Variants in INF2 observed in about 807,000 individuals in gnomAD.
INF2 encodes the protein inverted formin 2, also known as inverted formin-2.
In INF2, 43 loss-of-function variants were observed where a neutral mutation model predicts 123.5. The observed-to-expected ratio is 0.35, with a 90% CI of 0.27 to 0.45. The LOEUF is 0.45. INF2 is among the 20% of genes least tolerant of loss of function. The pLI, the probability that INF2 is intolerant of heterozygous loss-of-function variation, is 1.00. For missense variants in INF2, 1,453 were observed against 1,682.7 expected (o/e 0.86, Z 2.39); for synonymous variants, 851 against 745.0 (o/e 1.14, Z -2.32).
Position 104,713,506 on chromosome 14 carries a change from C to T in INF2, c.2940C>T (p.Ile980=). 2 of 1,611,734 alleles carry T rather than the reference C, an allele frequency of 1.2e-6. No individual in the cohort carries two copies. The highest frequency in any genetic ancestry group is 1.7e-6 in the Non-Finnish European group (2 of 1,179,490). Residue 980 remains isoleucine (I), a synonymous_variant, in exon 20 of 23, where the codon ATC becomes ATT. Coordinates refer to ENST00000392634, the MANE Select transcript of INF2 (RefSeq NM_022489.4). ...TCATCGATGCCCTGCTGGCTGACATCAGGAAGGGCTTCCAGCTGCGGAAGA... is the reference window on the plus strand; with the variant it reads ...TCATCGATGCCCTGCTGGCTGACATTAGGAAGGGCTTCCAGCTGCGGAAGA... ...VCVIDALLAD[I]RKGFQLRKTA...
intron 22 of INF2, among the ~76,000 whole-genome samples, chr14:104,716,540 A>G (rs946093807): frequency 6.6e-6 from 1 of 152,218 alleles, no homozygotes; most frequent in Admixed American, 6.5e-5. Flanking sequence ...ACAATGGTCC[A>G]GTGAAAGATG....
At chr14:104,684,703 G>C (rs936549525), upstream of INF2, 2 of 152,374 alleles carry the variant, frequency 1.3e-5, no homozygotes, top group African/African-American at 2.4e-5. The surrounding 1 kb of genome is among the most constrained non-coding windows in gnomAD (Gnocchi z 5.0). Context: ...CAAGCTCTGG[G>C]CACCTCACGC....
intron 1 of INF2, among the ~76,000 whole-genome samples, chr14:104,695,294 A>G (rs1179089984): frequency 6.6e-6 from 1 of 151,766 alleles, no homozygotes; most frequent in East Asian, 1.9e-4. Flanking sequence ...CCCAGGAAGT[A>G]CTTCCATGTA....
chr14:104,708,346 T>C, intron 8 of INF2, 90 bp from the exon 9 acceptor site: 1 of 1,524,330 alleles, frequency 6.6e-7, no homozygotes. Context: ...GGACATCCTT[T>C]AGACCCTCTG....
At chr14:104,687,754 A>G (rs1417323959), upstream of INF2, among the ~76,000 whole-genome samples, 1 of 152,046 alleles carries the variant, frequency 6.6e-6, no homozygotes, top group Admixed American at 6.5e-5. This position sits in a 1 kb window ranked among gnomAD's most constrained non-coding sequence, Gnocchi z 5.6. Flanking sequence ...CCCCTCGCCC[A>G]CACCTGACCT....
chr14:104,704,341 G>C, intron 5 of INF2: 1 of 412,444 alleles, frequency 2.4e-6, no homozygotes, highest in East Asian at 5.5e-5. Flanking sequence ...GCTCCAGGGC[G>C]AGAGTTGAAA....
In INF2 at chr14:104,699,406, C is replaced by T. The variant is rs1889363933; in HGVS notation, c.-9-1951C>T. The T allele has an allele frequency of 3.0e-6, 3 of 985,218 alleles. No homozygotes were observed. Among genetic ancestry groups the T allele is most frequent in the Non-Finnish European group, 3.6e-6 (3 of 829,928 alleles). The allele number at this position is 985,218 out of a possible 1,614,324, so 61.0% of individuals were successfully genotyped here. A position where few individuals can be genotyped will look rare whatever the true frequency, so the allele number is the denominator to read the frequency against. On this transcript the variant is annotated intron_variant, in intron 1 of 22. Coordinates refer to ENST00000392634, the MANE Select transcript of INF2 (RefSeq NM_022489.4). This position sits in a 1 kb window ranked among gnomAD's most constrained non-coding sequence, Gnocchi z 4.7. ...TATGCAGAGGCCCGGCTGCCTGGCT[C>T]TTCATGGTGGTGGGAGCAACCCTAC...
rs773125266 is a variant in INF2 at position 104,708,653 on chromosome 14, G to C, written c.1888-18G>C. 1 of 1,612,870 alleles carries C rather than the reference G, an allele frequency of 6.2e-7. No homozygotes were observed. The highest frequency in any genetic ancestry group is 1.7e-5 in the Admixed American group (1 of 60,022). ...GGCCACCCTCCGGTACCAGCCTGTT[G>C]GGTGGGGGGTTTTCTAGATCACTTT... On this transcript the variant is annotated intron_variant, in intron 9 of 22. Coordinates refer to ENST00000392634, the MANE Select transcript of INF2 (RefSeq NM_022489.4).
chr14:104,719,057 C>A lies in INF2; in HGVS notation c.*264C>A. On this transcript the variant is annotated 3_prime_UTR_variant, in exon 23 of 23. Transcript: ENST00000392634. The stretch of plus-strand genomic sequence containing the variant: ...CCTCCCACCTGCTTCCTAAAGGCAA[C>A]CCTGGCCCACACCCGCATGCGCCCG... The A allele has an allele frequency of 1.4e-6, 1 of 738,558 alleles. No individual in the cohort carries two copies. Among genetic ancestry groups the A allele is most frequent in the Non-Finnish European group, 2.1e-6 (1 of 485,228 alleles). 45.8% of individuals were successfully genotyped at this position (738,558 alleles called of 1,614,324 possible).
intron 1 of INF2, 40 bp downstream of exon 1, chr14:104,689,779 G>T: frequency 1.0e-6 from 1 of 976,524 alleles, no homozygotes; most frequent in Non-Finnish European, 1.2e-6. Flanking sequence ...AGCTTCAGGG[G>T]AAACTGAGTC....
In INF2 at chr14:104,703,196, C is replaced by T. The variant is rs1412838573; in HGVS notation, c.483C>T (p.Thr161=). ...ACTCTCCCGAGGGCCACGTGCTGAC[C>T]CTGGACGCCCTGGACCACTACAAGG... ...CIYSPEGHVL[T]LDALDHYKTV... The change falls in exon 3 of 23, where the codon ACC becomes ACT. Residue 161 remains threonine (T), a synonymous_variant. Transcript: ENST00000392634. 5.0e-6 allele frequency: 8 copies of T among 1,613,286 alleles called. No individual in the cohort carries two copies. The African/African-American group carries it at 9.3e-5, about 19-fold the overall frequency.
rs1433087730 is a variant in INF2, at chr14:104,709,775, G to A, written c.2138+70G>A. On this transcript the variant is annotated intron_variant, in intron 12 of 22. Transcript: ENST00000392634. Reference sequence around the variant, plus strand: ...GGAGGAGAGCAGGAATAGGGAGCAGGGCCCAGCCAGGGAGGAGAAGAGGCT... The same window carrying A: ...GGAGGAGAGCAGGAATAGGGAGCAGAGCCCAGCCAGGGAGGAGAAGAGGCT... 4.4e-6 allele frequency: 6 copies of A among 1,354,888 alleles called. No homozygotes were observed. In the Admixed American group the frequency reaches 8.5e-5, roughly 19 times the overall value. The allele number at this position is 1,354,888 out of a possible 1,614,324, so 83.9% of individuals were successfully genotyped here. A position where few individuals can be genotyped will look rare whatever the true frequency, so the allele number is the denominator to read the frequency against.
At chr14:104,700,440 G>A (rs900392203) in intron 1 of INF2, among the ~76,000 whole-genome samples, 1 of 152,162 alleles carries the variant, frequency 6.6e-6, no homozygotes, top group African/African-American at 2.4e-5. Flanking sequence ...CCACGCTGCT[G>A]TTCTCAGACG....
intron 10 of INF2, 114 bp from the exon 11 acceptor site, chr14:104,709,167 G>T (rs1889923414): frequency 1.3e-6 from 1 of 771,766 alleles, no homozygotes; most frequent in Non-Finnish European, 2.2e-6. Context: ...TGTCCCCCCT[G>T]CCCTGGCCAC....
In INF2 at chr14:104,718,820, G is replaced by C; in HGVS notation, c.*27G>C. On this transcript the variant is annotated 3_prime_UTR_variant, in exon 23 of 23. Transcript: ENST00000392634. ...GCCTCAGGCCCAGGCCCAAGGCCAA[G>C]TGAGAGAGCCCAGGCCACAGGACAT... is the stretch of plus-strand genomic sequence containing the variant. The C allele has an allele frequency of 1.2e-6, 2 of 1,612,920 alleles. No homozygotes were observed. The highest frequency in any genetic ancestry group is 8.5e-7 in the Non-Finnish European group (1 of 1,179,728).
chr14:104,718,505 G>T (rs935836411), intron 22 of INF2, among the ~76,000 whole-genome samples: 2 of 152,306 alleles, frequency 1.3e-5, no homozygotes, highest in Admixed American at 1.3e-4. Context: ...TCAGACAGGG[G>T]GTGGGGGACA....
intron 8 of INF2, 38 bp from the exon 9 acceptor site, chr14:104,708,398 G>T: frequency 6.2e-7 from 1 of 1,606,994 alleles, no homozygotes; most frequent in Non-Finnish European, 8.5e-7. Context: ...AGGCCCCGGG[G>T]CTGCGAGAGC....
In INF2 at chr14:104,708,115, G is replaced by T. The variant is rs993417072; in HGVS notation, c.1735+113G>T. 3.3e-6 allele frequency: 5 copies of T among 1,508,732 alleles called. No homozygotes were observed. In the Admixed American group the frequency reaches 7.5e-5, roughly 23 times the overall value. The allele number at this position is 1,508,732 out of a possible 1,614,324, so 93.5% of individuals were successfully genotyped here. A position where few individuals can be genotyped will look rare whatever the true frequency, so the allele number is the denominator to read the frequency against. On this transcript the variant is annotated intron_variant, in intron 8 of 22. Transcript: ENST00000392634. Reference sequence around the variant, plus strand: ...TGTGTGCGCGTCCTGCCCGTGCGTGGCCAGGGCAGCCTGGCCCTTGCTCTG... The same window carrying T: ...TGTGTGCGCGTCCTGCCCGTGCGTGTCCAGGGCAGCCTGGCCCTTGCTCTG...
At chr14:104,704,258 C>T in intron 5 of INF2, 1 of 1,165,772 alleles carries the variant, frequency 8.6e-7, no homozygotes, top group Non-Finnish European at 1.2e-6. Flanking sequence ...AACCCAGAAA[C>T]AGAAAATGAA....
Sources: gnomAD v4.1 joint callset for allele counts (sites outside exome capture counted in the v4.1 genomes callset) on GRCh38, gnomAD v4.1.1 for gene constraint, Gnocchi (gnomAD v3.1) non-coding constraint, MANE v1.5 for transcripts, NCBI Gene and HGNC (gene_info 2026-07-23, HGNC 2026-07-21) for gene names.